The following ANKRD26 variants were observed in gnomAD, a reference collection of about 807,000 sequenced individuals.
The protein encoded by ANKRD26 is ankyrin repeat domain-containing protein 26.
Under a neutral mutation model 208.7 loss-of-function variants are expected in ANKRD26, and 141 were observed. The observed-to-expected ratio is 0.68, with a 90% CI of 0.59 to 0.78. ANKRD26 has a LOEUF of 0.78. Among genes scored for constraint, ANKRD26 ranks in the 30% least tolerant of loss-of-function variants. The probability of loss-of-function intolerance (pLI) is 0.00; values close to 1 mark genes in which losing one functional copy is unlikely to be tolerated. For missense variants in ANKRD26, 1,889 were observed against 1,938.7 expected (o/e 0.97, Z 0.48); for synonymous variants, 636 against 660.4 (o/e 0.96, Z 0.57).
At chr10:27,003,130 G>A (rs1396072572), downstream of ANKRD26, among the ~76,000 whole-genome samples, 1 of 152,084 alleles carries the variant, frequency 6.6e-6, no homozygotes, top group African/African-American at 2.4e-5. Context: ...AAAGCCTATC[G>A]ACGGCATTAA....
In ANKRD26 at chr10:27,067,218, T is replaced by TA; in HGVS notation, c.1145dup (p.Glu383ArgfsTer5). 6.2e-7 allele frequency: 1 copy of TA among 1,613,404 alleles called. No individual in the cohort carries two copies. Among genetic ancestry groups the TA allele is most frequent in the Non-Finnish European group, 8.5e-7 (1 of 1,179,382 alleles). On this transcript the variant is annotated frameshift_variant, in exon 10 of 34. Transcript: ENST00000376087. LOFTEE classifies it high-confidence loss of function. ...TCAAATTGTCATTATTTGTTTGCTC[T>TA]AGTGGAGCACTTTCAATAATATCAA...
intron 1 of ANKRD26, among the ~76,000 whole-genome samples, chr10:27,095,834 T>C (rs1441329697): frequency 1.3e-5 from 2 of 152,192 alleles, no homozygotes. Flanking sequence ...CACCTGCAAT[T>C]GCCTTGACCT....
At chr10:27,025,968 A>T (rs2053645418) in intron 27 of ANKRD26, among the ~76,000 whole-genome samples, 1 of 152,168 alleles carries the variant, frequency 6.6e-6, no homozygotes, top group African/African-American at 2.4e-5. Context: ...TTTTGAGTGT[A>T]GTGTTATTTT....
At chr10:26,949,149 G>T in the ANKRD26 span, among the ~76,000 whole-genome samples, 1 of 152,024 alleles carries the variant, frequency 6.6e-6, no homozygotes, top group Non-Finnish European at 1.5e-5. Context: ...AATTTTAATG[G>T]TTTAATGAAC....
chr10:27,080,344 A>G (rs552844798), intron 6 of ANKRD26, among the ~76,000 whole-genome samples: 1 of 152,282 alleles, frequency 6.6e-6, no homozygotes, highest in South Asian at 2.1e-4. Flanking sequence ...CCTTCACCCT[A>G]AAACAGTATA....
chr10:27,080,317 T>C (rs1010899475), intron 6 of ANKRD26: 3 of 152,562 alleles, frequency 2.0e-5, no homozygotes, highest in Non-Finnish European at 4.4e-5. Flanking sequence ...GAAAACCACT[T>C]AAGGCCTCAT....
At chr10:26,951,624 T>G in the ANKRD26 span, among the ~76,000 whole-genome samples, 1 of 152,240 alleles carries the variant, frequency 6.6e-6, no homozygotes, top group African/African-American at 2.4e-5. Flanking sequence ...TGTTTTAAAA[T>G]TTTAAGTAGA....
intron 11 of ANKRD26, among the ~76,000 whole-genome samples, chr10:27,065,859 C>CTTTTTTTT (rs767106612): frequency 3.0e-4 from 22 of 72,964 alleles, no homozygotes; most frequent in East Asian, 1.8e-3. Flanking sequence ...ATAATTCTTT[C>CTTTTTTTT]TTTTTTTTTT....
chr10:27,068,801 G>A (rs56907673), intron 9 of ANKRD26, among the ~76,000 whole-genome samples: 17,877 of 150,464 alleles, frequency 0.12, 1,516 homozygotes, highest in East Asian at 0.28. Flanking sequence ...CAAAAATAGA[G>A]AAGATTATTC....
intron 5 of ANKRD26, among the ~76,000 whole-genome samples, chr10:26,978,216 C>G (rs1049207618): frequency 2.6e-5 from 4 of 151,912 alleles, no homozygotes; most frequent in Admixed American, 6.6e-5. Flanking sequence ...TTTGGGAGGC[C>G]GAGGTGGGTG....
chr10:26,991,395 G>C (rs1197531942), downstream of ANKRD26, among the ~76,000 whole-genome samples: 2 of 152,102 alleles, frequency 1.3e-5, no homozygotes, highest in Non-Finnish European at 2.9e-5. Context: ...GATTTTGAGG[G>C]CTTCAATATT....
chr10:26,959,946 C>T, the ANKRD26 span, among the ~76,000 whole-genome samples: 162 of 152,206 alleles, frequency 1.1e-3, no homozygotes, highest in African/African-American at 3.8e-3. Flanking sequence ...ACACCTCTCC[C>T]ATCAAGAGGT....
At chr10:26,951,013 C>CTTTTCTTTTTTTTTTTTTTTTTTTTTT in the ANKRD26 span, among the ~76,000 whole-genome samples, 62 of 100,910 alleles carry the variant, frequency 6.1e-4, 3 homozygotes, top group East Asian at 7.1e-3. Flanking sequence ...CTTTTCTTTT[C>CTTTTCTTTTTTTTTTTTTTTTTTTTTT]TTTTTCTTTT....
At chr10:27,080,034 G>A (rs1347758698) in intron 6 of ANKRD26, 1 of 402,200 alleles carries the variant, frequency 2.5e-6, no homozygotes, top group South Asian at 1.7e-5. Context: ...GTGTGTACCT[G>A]TGGTCCCAGC....
intron 25 of ANKRD26, among the ~76,000 whole-genome samples, chr10:27,030,928 GGCAAATTTATAATT>G (rs1220615909): frequency 6.6e-6 from 1 of 151,978 alleles, no homozygotes; most frequent in Non-Finnish European, 1.5e-5. Flanking sequence ...TCACCTCGTA[GGCAAATTTATAATT>G]AGACAAGTTT....
At chr10:27,025,816 C>T (rs1369612819) in intron 27 of ANKRD26, among the ~76,000 whole-genome samples, 2 of 152,192 alleles carry the variant, frequency 1.3e-5, no homozygotes, top group Admixed American at 6.5e-5. Context: ...CCAGCCCAGA[C>T]CTCTTTCCTG....
chr10:27,019,194 G>A (rs561419906), intron 29 of ANKRD26, among the ~76,000 whole-genome samples: 2 of 152,146 alleles, frequency 1.3e-5, no homozygotes, highest in East Asian at 1.9e-4. Context: ...GCAGGAAAAT[G>A]GCATGAACCC....
chr10:27,080,558 G>GA, intron 6 of ANKRD26: 1 of 912,914 alleles, frequency 1.1e-6, no homozygotes, highest in Non-Finnish European at 1.3e-6. Flanking sequence ...TACCTAAAGA[G>GA]AAAGAATGCT....
intron 5 of ANKRD26, among the ~76,000 whole-genome samples, chr10:27,083,427 T>C (rs747819060): frequency 5.3e-5 from 8 of 151,972 alleles, no homozygotes; most frequent in Non-Finnish European, 1.2e-4. Flanking sequence ...ACCAACATTT[T>C]AAAATAAATA....
Sources: gnomAD v4.1 joint callset for allele counts (sites outside exome capture counted in the v4.1 genomes callset) on GRCh38, gnomAD v4.1.1 for gene constraint, MANE v1.5 for transcripts, NCBI Gene and HGNC (gene_info 2026-07-23, HGNC 2026-07-21) for gene names.